Variants in NEK10 observed in about 807,000 individuals in gnomAD.
NEK10 encodes NIMA related kinase 10, also known as serine/threonine-protein kinase Nek10.
In NEK10, 122 loss-of-function variants were observed where a neutral mutation model predicts 159.8. The ratio of observed to expected loss-of-function variants is 0.76; its 90% confidence interval spans 0.66 to 0.89. NEK10 has a LOEUF of 0.89. Among genes scored for constraint, NEK10 ranks in the 40% least tolerant of loss-of-function variants. The pLI is 0.00. For missense variants in NEK10, 1,342 were observed against 1,323.1 expected (o/e 1.01, Z -0.22); for synonymous variants, 466 against 457.1 (o/e 1.02, Z -0.25).
At chr3:27,364,587 A>C (rs911908973) in intron 1 of NEK10, among the ~76,000 whole-genome samples, 2 of 152,246 alleles carry the variant, frequency 1.3e-5, no homozygotes, top group Non-Finnish European at 2.9e-5. Flanking sequence ...AATGAAAAAT[A>C]CTAGAGATAA....
intron 23 of NEK10, among the ~76,000 whole-genome samples, chr3:27,226,698 C>A (rs1048729812): frequency 2.0e-5 from 3 of 151,898 alleles, no homozygotes; most frequent in Non-Finnish European, 4.4e-5. Flanking sequence ...CATTCCCTGG[C>A]CAATGCACAT....
At chr3:27,193,574 T>C (rs6551178) in intron 25 of NEK10, among the ~76,000 whole-genome samples, 25,746 of 149,030 alleles carry the variant, frequency 0.17, 4,349 homozygotes, top group African/African-American at 0.44. Context: ...CCCCCATTTC[T>C]TTGCTTATTT....
chr3:27,215,511 A>T, intron 23 of NEK10: 4 of 442,088 alleles, frequency 9.0e-6, no homozygotes, highest in Non-Finnish European at 1.6e-5. Flanking sequence ...AATATAAGGC[A>T]TAGAATATCT....
At chr3:27,320,212 T>C (rs1337499797) in intron 6 of NEK10, among the ~76,000 whole-genome samples, 1 of 152,184 alleles carries the variant, frequency 6.6e-6, no homozygotes, top group Non-Finnish European at 1.5e-5. Context: ...AAGTCGTCTC[T>C]GAGTTTTTTC....
chr3:27,334,089 C>T (rs1378162191), intron 5 of NEK10, among the ~76,000 whole-genome samples: 1 of 152,176 alleles, frequency 6.6e-6, no homozygotes, highest in Admixed American at 6.5e-5. Flanking sequence ...CATGCCAGAG[C>T]ATACAGTCCA....
At chr3:27,255,531 T>TTGA (rs1178903023) in intron 23 of NEK10, among the ~76,000 whole-genome samples, 1 of 152,174 alleles carries the variant, frequency 6.6e-6, no homozygotes, top group Non-Finnish European at 1.5e-5. Flanking sequence ...TCTTGATTGC[T>TTGA]TGACCTGTTG....
chr3:27,287,356 C>T (rs2042696019), intron 20 of NEK10, among the ~76,000 whole-genome samples: 1 of 152,146 alleles, frequency 6.6e-6, no homozygotes, highest in Admixed American at 6.5e-5. Flanking sequence ...CCTGAGTCAA[C>T]AAAAACAACT....
intron 23 of NEK10, among the ~76,000 whole-genome samples, chr3:27,244,707 C>A (rs1324351874): frequency 6.6e-6 from 1 of 152,152 alleles, no homozygotes; most frequent in African/African-American, 2.4e-5. Context: ...GTGTAGCCTG[C>A]ACCCTCTGAA....
intron 5 of NEK10, among the ~76,000 whole-genome samples, chr3:27,331,237 C>CAAAAAAAAAAAAAAAAAAAAAAAAAA (rs11351970): frequency 1.4e-4 from 4 of 29,562 alleles, no homozygotes; most frequent in African/African-American, 2.3e-4. Context: ...GACTCTGTCT[C>CAAAAAAAAAAAAAAAAAAAAAAAAAA]AAAAAAAAAA....
intron 16 of NEK10, among the ~76,000 whole-genome samples, chr3:27,292,594 G>A (rs1264751345): frequency 6.6e-6 from 1 of 151,960 alleles, no homozygotes; most frequent in Non-Finnish European, 1.5e-5. Context: ...AACACTTTGG[G>A]AGGCCAAGGC....
intron 23 of NEK10, among the ~76,000 whole-genome samples, chr3:27,207,183 C>T (rs1950608528): frequency 6.6e-6 from 1 of 152,166 alleles, no homozygotes; most frequent in Admixed American, 6.5e-5. Flanking sequence ...AGCATTACCA[C>T]ATTAGCAGTT....
chr3:27,174,322 C>T (rs1947296001), intron 28 of NEK10, 117 bp downstream of exon 28: 3 of 1,529,766 alleles, frequency 2.0e-6, no homozygotes, highest in Admixed American at 2.1e-5. Flanking sequence ...TAGCACTGCA[C>T]CTGAAAAACA....
intron 5 of NEK10, among the ~76,000 whole-genome samples, chr3:27,335,732 A>G (rs1185466367): frequency 1.3e-5 from 2 of 152,224 alleles, no homozygotes; most frequent in Non-Finnish European, 2.9e-5. Context: ...ACACAAATAC[A>G]TGGAAATTAA....
At chr3:27,141,347 G>C (rs1943765976) in intron 31 of NEK10, 135 bp downstream of exon 31, 1 of 558,528 alleles carries the variant, frequency 1.8e-6, no homozygotes, top group Non-Finnish European at 3.1e-6. Context: ...CTAAACTAAA[G>C]TGTCCCCACA....
intron 25 of NEK10, among the ~76,000 whole-genome samples, chr3:27,197,030 C>T (rs1220836882): frequency 7.0e-6 from 1 of 142,796 alleles, no homozygotes; most frequent in East Asian, 1.9e-4. Context: ...ATTCTGCAAG[C>T]CCTATCCTAA....
chr3:27,200,875 G>A (rs550445096), intron 25 of NEK10, among the ~76,000 whole-genome samples: 3 of 152,222 alleles, frequency 2.0e-5, no homozygotes, highest in Admixed American at 2.0e-4. Context: ...AAGTCTAGAA[G>A]GAGGGTGCAT....
chr3:27,301,873 T>C, intron 12 of NEK10, 38 bp from the exon 13 acceptor site: 1 of 1,513,714 alleles, frequency 6.6e-7, no homozygotes, highest in Non-Finnish European at 9.0e-7. Flanking sequence ...CATTTATCAA[T>C]TTCCCTTCAC....
chr3:27,216,114 A>T (rs1198494659), intron 23 of NEK10, among the ~76,000 whole-genome samples: 1 of 152,192 alleles, frequency 6.6e-6, no homozygotes, highest in Non-Finnish European at 1.5e-5. Context: ...TTAATTTAAA[A>T]TTTTTCTCTA....
At position 27,174,461 on chromosome 3, in the gene NEK10, G is replaced by C; in HGVS notation, c.2754C>G (p.Ser918Arg). The C allele has an allele frequency of 6.2e-7, 1 of 1,612,222 alleles. No homozygotes were observed. ...TACTGAATGTAGATTCTTTCAGAGG[G>C]CTTGAACTGGAGCTGCTGGAGTTAT... ...ISDNSSSSSSSPLKESTFNIL... is the reference protein window; with the variant it reads ...ISDNSSSSSSRPLKESTFNIL... Residue 918 changes from serine (S) to arginine (R), a missense_variant, in exon 28 of 36, where the codon AGC (serine) becomes AGG (arginine). By Grantham distance (110) the Ser-to-Arg change is moderately radical. Transcript: ENST00000691995.
Sources: gnomAD v4.1 joint callset for allele counts (sites outside exome capture counted in the v4.1 genomes callset) on GRCh38, gnomAD v4.1.1 for gene constraint, MANE v1.5 for transcripts, NCBI Gene and HGNC (gene_info 2026-07-23, HGNC 2026-07-21) for gene names.